Variants in DRC11 observed in about 807,000 individuals in gnomAD.
DRC11 encodes dynein regulatory complex subunit 11, also known as IQ and AAA domain-containing protein 1.
At chr2:236,431,530 A>G in the DRC11 span, among the ~76,000 whole-genome samples, 10 of 152,216 alleles carry the variant, frequency 6.6e-5, no homozygotes, top group South Asian at 2.1e-4. The surrounding 1 kb of genome is among the most constrained non-coding windows in gnomAD (Gnocchi z 4.2). Context: ...CAAATGGGCA[A>G]CATGGGAACT....
At chr2:236,495,964 C>A in the DRC11 span, among the ~76,000 whole-genome samples, 1 of 152,294 alleles carries the variant, frequency 6.6e-6, no homozygotes, top group East Asian at 1.9e-4. The surrounding 1 kb of genome is among the most constrained non-coding windows in gnomAD (Gnocchi z 5.6). Context: ...AAAGGCAAGG[C>A]CGTGGAGTAG....
chr2:236,375,878 A>T, the DRC11 span, among the ~76,000 whole-genome samples: 5 of 152,364 alleles, frequency 3.3e-5, no homozygotes, highest in East Asian at 9.6e-4. This position sits in a 1 kb window ranked among gnomAD's most constrained non-coding sequence, Gnocchi z 4.2. Flanking sequence ...CCACTTTTAC[A>T]ACTGCTACAG....
At chr2:236,423,711 A>C in the DRC11 span, among the ~76,000 whole-genome samples, 2 of 152,222 alleles carry the variant, frequency 1.3e-5, no homozygotes, top group African/African-American at 4.8e-5. Flanking sequence ...GTATATACCC[A>C]AAGGGTTATA....
At chr2:236,357,632 T>C in the DRC11 span, among the ~76,000 whole-genome samples, 35 of 106,584 alleles carry the variant, frequency 3.3e-4, no homozygotes, top group African/African-American at 8.5e-4. Flanking sequence ...TAAATATGCA[T>C]ATAATATGTA....
the DRC11 span, among the ~76,000 whole-genome samples, chr2:236,423,338 C>T: frequency 1.3e-5 from 2 of 151,786 alleles, no homozygotes; most frequent in Admixed American, 1.3e-4. Context: ...CTACAATGAA[C>T]TCAAACAAAT....
At chr2:236,365,089 G>A in the DRC11 span, among the ~76,000 whole-genome samples, 1 of 152,050 alleles carries the variant, frequency 6.6e-6, no homozygotes, top group Non-Finnish European at 1.5e-5. The surrounding 1 kb of genome is among the most constrained non-coding windows in gnomAD (Gnocchi z 7.4). Context: ...TGGACACCTG[G>A]GTATGGAAGG....
the DRC11 span, among the ~76,000 whole-genome samples, chr2:236,361,895 C>T: frequency 6.6e-6 from 1 of 152,118 alleles, no homozygotes; most frequent in Non-Finnish European, 1.5e-5. The surrounding 1 kb of genome is among the most constrained non-coding windows in gnomAD (Gnocchi z 5.7). Context: ...AAGACATAGA[C>T]ATATTGGAAA....
the DRC11 span, among the ~76,000 whole-genome samples, chr2:236,347,508 C>CTCTATATATATA: frequency 4.8e-3 from 514 of 107,502 alleles, 40 homozygotes; most frequent in Non-Finnish European, 7.1e-3. Flanking sequence ...AAAAACTGTG[C>CTCTATATATATA]TATATATATA....
chr2:236,324,881 A>G, the DRC11 span: 1 of 852,314 alleles, frequency 1.2e-6, no homozygotes, highest in Non-Finnish European at 1.9e-6. The surrounding 1 kb of genome is among the most constrained non-coding windows in gnomAD (Gnocchi z 5.7). Flanking sequence ...GGAAGGGGCA[A>G]GCAGCCATTG....
the DRC11 span, among the ~76,000 whole-genome samples, chr2:236,484,636 T>C: frequency 6.6e-6 from 1 of 151,884 alleles, no homozygotes; most frequent in African/African-American, 2.4e-5. Context: ...TTCCAAGGGT[T>C]GGCACTACTG....
At chr2:236,357,438 G>T in the DRC11 span, among the ~76,000 whole-genome samples, 1 of 124,314 alleles carries the variant, frequency 8.0e-6, no homozygotes. Context: ...CATAGTATAT[G>T]TATATTTATA....
At chr2:236,359,447 C>G in the DRC11 span, among the ~76,000 whole-genome samples, 2 of 152,160 alleles carry the variant, frequency 1.3e-5, no homozygotes, top group Non-Finnish European at 1.5e-5. The surrounding 1 kb of genome is among the most constrained non-coding windows in gnomAD (Gnocchi z 4.3). Context: ...GAGGCGAATG[C>G]CACCTGCCTG....
the DRC11 span, among the ~76,000 whole-genome samples, chr2:236,326,758 C>G: frequency 2.7e-5 from 4 of 149,620 alleles, no homozygotes; most frequent in South Asian, 8.5e-4. Context: ...ACTAGATTTC[C>G]TAAAATGTTT....
chr2:236,478,005 T>TTGTGTGTGTG, the DRC11 span, among the ~76,000 whole-genome samples: 1,270 of 146,882 alleles, frequency 8.6e-3, 21 homozygotes, highest in African/African-American at 0.031. This position sits in a 1 kb window ranked among gnomAD's most constrained non-coding sequence, Gnocchi z 5.9. Context: ...TTTTGTTGAT[T>TTGTGTGTGTG]TGTGTGTGTG....
At chr2:236,486,829 C>T in the DRC11 span, 1 of 1,605,998 alleles carries the variant, frequency 6.2e-7, no homozygotes, top group Non-Finnish European at 8.5e-7. This position sits in a 1 kb window ranked among gnomAD's most constrained non-coding sequence, Gnocchi z 5.7. Context: ...AAAAACTTAC[C>T]ATACCCAGGA....
the DRC11 span, among the ~76,000 whole-genome samples, chr2:236,498,872 C>T: frequency 6.6e-6 from 1 of 152,110 alleles, no homozygotes; most frequent in Non-Finnish European, 1.5e-5. Flanking sequence ...TTTTTTTATT[C>T]TGCTTTTACA....
the DRC11 span, among the ~76,000 whole-genome samples, chr2:236,322,619 T>G: frequency 1.3e-5 from 2 of 152,100 alleles, no homozygotes; most frequent in African/African-American, 2.4e-5. Flanking sequence ...CAGGAAGCCA[T>G]CCTTTGGGAA....
At chr2:236,407,413 T>C in the DRC11 span, among the ~76,000 whole-genome samples, 19 of 152,306 alleles carry the variant, frequency 1.2e-4, no homozygotes, top group East Asian at 2.9e-3. Flanking sequence ...GTCTACACCA[T>C]GGGCCCTCAG....
At chr2:236,448,739 G>A in the DRC11 span, among the ~76,000 whole-genome samples, 1 of 152,324 alleles carries the variant, frequency 6.6e-6, no homozygotes, top group East Asian at 1.9e-4. This position sits in a 1 kb window ranked among gnomAD's most constrained non-coding sequence, Gnocchi z 5.3. Flanking sequence ...GTAAGGCAGC[G>A]GGACAAGGCT....
Sources: gnomAD v4.1 joint callset for allele counts (sites outside exome capture counted in the v4.1 genomes callset) on GRCh38, gnomAD v4.1.1 for gene constraint, Gnocchi (gnomAD v3.1) non-coding constraint, MANE v1.5 for transcripts, NCBI Gene and HGNC (gene_info 2026-07-23, HGNC 2026-07-21) for gene names.